Variants in NKAIN2 observed in about 807,000 individuals in gnomAD.
NKAIN2 encodes sodium/potassium transporting ATPase interacting 2.
In NKAIN2, 14 loss-of-function variants were observed where a neutral mutation model predicts 32.6. That is an observed-to-expected ratio of 0.43 (90% CI 0.28 to 0.67). The LOEUF is 0.67. NKAIN2 is among the 30% of genes least tolerant of loss of function. The pLI is 0.17. For synonymous variants in NKAIN2, 80 were observed against 87.2 expected (o/e 0.92, Z 0.46); for missense variants, 198 against 258.3 (o/e 0.77, Z 1.60).
intron 5 of NKAIN2, among the ~76,000 whole-genome samples, chr6:124,814,057 A>C (rs1443366308): frequency 6.6e-6 from 1 of 152,318 alleles, no homozygotes; most frequent in South Asian, 2.1e-4. Flanking sequence ...CCAGTAATTC[A>C]ATTTTTGAGA....
At chr6:124,265,299 A>G (rs1053462619) in intron 1 of NKAIN2, among the ~76,000 whole-genome samples, 1 of 152,120 alleles carries the variant, frequency 6.6e-6, no homozygotes, top group African/African-American at 2.4e-5. Flanking sequence ...CAAACTTTGG[A>G]ACAGTTTATA....
chr6:124,417,029 A>G (rs187197846), intron 3 of NKAIN2, among the ~76,000 whole-genome samples: 2 of 152,364 alleles, frequency 1.3e-5, no homozygotes, highest in East Asian at 3.9e-4. Context: ...CCAGAATCTT[A>G]TAACATAATA....
At chr6:124,419,335 C>T (rs920403333) in intron 3 of NKAIN2, among the ~76,000 whole-genome samples, 2 of 152,126 alleles carry the variant, frequency 1.3e-5, no homozygotes, top group Non-Finnish European at 2.9e-5. Flanking sequence ...ATCTGATCAC[C>T]TGCCATAGTA....
chr6:124,391,760 A>G (rs1311807370), intron 3 of NKAIN2, among the ~76,000 whole-genome samples: 1 of 152,168 alleles, frequency 6.6e-6, no homozygotes, highest in Non-Finnish European at 1.5e-5. Flanking sequence ...GAGTCTATTT[A>G]TAAATTACTT....
chr6:124,031,623 T>C (rs112813741), intron 1 of NKAIN2, among the ~76,000 whole-genome samples: 34 of 152,290 alleles, frequency 2.2e-4, no homozygotes, highest in Middle Eastern at 3.4e-3. Context: ...TTGTTCTCAC[T>C]GGTTTCAAAG....
chr6:124,089,123 G>A (rs971567123), intron 1 of NKAIN2, among the ~76,000 whole-genome samples: 3 of 151,974 alleles, frequency 2.0e-5, no homozygotes, highest in African/African-American at 4.8e-5. Context: ...GACAACTTGA[G>A]GGGAGAGACA....
intron 5 of NKAIN2, among the ~76,000 whole-genome samples, chr6:124,810,967 C>A (rs1057024014): frequency 2.0e-5 from 3 of 150,442 alleles, no homozygotes; most frequent in Non-Finnish European, 4.4e-5. Flanking sequence ...TTAGCCCAGA[C>A]TGAACACCTC....
chr6:124,710,462 T>C (rs1224246459), intron 4 of NKAIN2, among the ~76,000 whole-genome samples: 3 of 151,828 alleles, frequency 2.0e-5, no homozygotes, highest in Non-Finnish European at 2.9e-5. Flanking sequence ...TGCGTGGGAG[T>C]CTAAGTCTCT....
intron 1 of NKAIN2, among the ~76,000 whole-genome samples, chr6:123,925,727 A>G (rs1775977021): frequency 1.3e-5 from 2 of 152,178 alleles, no homozygotes; most frequent in Admixed American, 1.3e-4. Flanking sequence ...CATTCTGCTC[A>G]TAACATTTCT....
intron 4 of NKAIN2, among the ~76,000 whole-genome samples, chr6:124,681,959 G>T (rs1455567593): frequency 6.6e-6 from 1 of 151,702 alleles, no homozygotes; most frequent in Non-Finnish European, 1.5e-5. Context: ...AGAGGGAGAA[G>T]AAAATATTAC....
chr6:124,359,582 T>C (rs867526633), intron 3 of NKAIN2, among the ~76,000 whole-genome samples: 1 of 152,182 alleles, frequency 6.6e-6, no homozygotes, highest in Admixed American at 6.5e-5. Flanking sequence ...TTGTCTGTTA[T>C]TGGTGTATAA....
chr6:124,410,318 C>T (rs1450428207), intron 3 of NKAIN2, among the ~76,000 whole-genome samples: 3 of 152,078 alleles, frequency 2.0e-5, no homozygotes, highest in African/African-American at 4.8e-5. Context: ...CCTCCTTTCT[C>T]TTGTGGGCAT....
rs1322919340 is a variant in NKAIN2 at position 124,222,928 on chromosome 6, AGAGT to A, written c.55-60069_55-60066del. On this transcript the variant is annotated intron_variant, in intron 1 of 6. Coordinates refer to ENST00000368417, the MANE Select transcript of NKAIN2 (RefSeq NM_001040214.3). ...GATATTAGAAAGAACAGAACTGGAG[AGAGT>A]GAGTGAGACAATTTTGAGAAATTTT... Among the ~76,000 whole-genome samples the A allele has an allele frequency of 6.6e-5, 10 of 152,276 alleles. No individual in the cohort carries two copies. In the East Asian group the frequency reaches 1.9e-3, roughly 29 times the overall value.
chr6:124,513,579 T>C (rs1778796648), intron 3 of NKAIN2, among the ~76,000 whole-genome samples: 1 of 152,164 alleles, frequency 6.6e-6, no homozygotes, highest in Non-Finnish European at 1.5e-5. Flanking sequence ...CTATGTGGGT[T>C]ATAGCATCAA....
At chr6:123,831,157 A>G (rs1015984585) in intron 1 of NKAIN2, among the ~76,000 whole-genome samples, 12 of 152,146 alleles carry the variant, frequency 7.9e-5, no homozygotes, top group African/African-American at 2.9e-4. Flanking sequence ...GTTTCCTAGC[A>G]ACATATTTTG....
At chr6:124,509,845 T>C (rs1298854529) in intron 3 of NKAIN2, among the ~76,000 whole-genome samples, 1 of 152,210 alleles carries the variant, frequency 6.6e-6, no homozygotes, top group Non-Finnish European at 1.5e-5. Flanking sequence ...AATAAAATGG[T>C]CTTTGAGAAG....
intron 2 of NKAIN2, among the ~76,000 whole-genome samples, chr6:124,286,809 G>A (rs1795577430): frequency 6.6e-6 from 1 of 151,978 alleles, no homozygotes; most frequent in African/African-American, 2.4e-5. Flanking sequence ...AGCCTCCCAA[G>A]TAGCTGGGAC....
chr6:124,083,919 C>T (rs114712596), intron 1 of NKAIN2, among the ~76,000 whole-genome samples: 2,093 of 151,924 alleles, frequency 0.014, 52 homozygotes, highest in African/African-American at 0.048. Flanking sequence ...AAGCAGGAAA[C>T]TAAAGAGGGG....
intron 3 of NKAIN2, among the ~76,000 whole-genome samples, chr6:124,576,128 C>G (rs1251084828): frequency 1.3e-5 from 2 of 152,126 alleles, no homozygotes; most frequent in African/African-American, 4.8e-5. Context: ...AATTTCAACC[C>G]CTAATGATAC....
Sources: gnomAD v4.1 joint callset for allele counts (sites outside exome capture counted in the v4.1 genomes callset) on GRCh38, gnomAD v4.1.1 for gene constraint, MANE v1.5 for transcripts, NCBI Gene and HGNC (gene_info 2026-07-23, HGNC 2026-07-21) for gene names.